Variants in RALGAPB observed in about 807,000 individuals in gnomAD.
RALGAPB encodes Ral GTPase activating protein non-catalytic subunit beta, also known as ral GTPase-activating protein subunit beta.
A neutral mutation model predicts 161.1 loss-of-function variants in RALGAPB; 25 were observed. The observed-to-expected ratio is 0.16, with a 90% CI of 0.11 to 0.22. The LOEUF is 0.22. RALGAPB is among the 10% of genes least tolerant of loss of function. The pLI is 1.00. For synonymous variants in RALGAPB, 629 were observed against 626.1 expected, an observed-to-expected ratio of 1.00 and a Z score of -0.07; for missense variants, 1,391 against 1,815.2, an observed-to-expected ratio of 0.77 and a Z score of 4.25.
At chr20:38,548,437 TTATA>T (rs2087248113) in intron 19 of RALGAPB, among the ~76,000 whole-genome samples, 1 of 152,198 alleles carries the variant, frequency 6.6e-6, no homozygotes, top group Non-Finnish European at 1.5e-5. Flanking sequence ...TGCTTTAAAA[TTATA>T]TAATTAGTAC....
intron 1 of RALGAPB, among the ~76,000 whole-genome samples, chr20:38,484,941 C>T (rs2085073959): frequency 6.6e-6 from 1 of 152,100 alleles, no homozygotes; most frequent in African/African-American, 2.4e-5. Flanking sequence ...GTGATCCACC[C>T]GCCTTGGACT....
chr20:38,515,045 G>A (rs929412179), intron 6 of RALGAPB, among the ~76,000 whole-genome samples: 1 of 152,200 alleles, frequency 6.6e-6, no homozygotes, highest in Admixed American at 6.5e-5. Flanking sequence ...CATGAATTTA[G>A]CCAAGCTCTG....
rs1460862635 is a variant in RALGAPB, at chr20:38,486,839, A to G, written c.-30-1564A>G. 2.0e-5 allele frequency among the ~76,000 whole-genome samples: 3 copies of G among 152,226 alleles called. No homozygotes were observed. In the East Asian group the frequency reaches 5.8e-4, roughly 29 times the overall value. On this transcript the variant is annotated intron_variant, in intron 1 of 29. Coordinates refer to ENST00000262879, the MANE Select transcript of RALGAPB (RefSeq NM_020336.4). ...TGGAATAGAGGGAATACCTTCTGATATCTTCCTTTTTCCCACTGGTAAACC... is the reference window on the plus strand; with the variant it reads ...TGGAATAGAGGGAATACCTTCTGATGTCTTCCTTTTTCCCACTGGTAAACC...
At chr20:38,525,201 C>A (rs2086421621) in intron 11 of RALGAPB, among the ~76,000 whole-genome samples, 1 of 152,164 alleles carries the variant, frequency 6.6e-6, no homozygotes, top group Non-Finnish European at 1.5e-5. Flanking sequence ...AGAGGTCTTA[C>A]CTTTGTAGAG....
rs753483611 is a variant in RALGAPB, at chr20:38,509,061, T to G, written c.741-16T>G. ...CTGTTAAGAAATGGACTCAGTGGTG[T>G]GCATTTATTTTCTAGATTGCTACGC... On this transcript the variant is annotated splice_polypyrimidine_tract_variant and intron_variant, in intron 5 of 29. Coordinates refer to ENST00000262879, the MANE Select transcript of RALGAPB (RefSeq NM_020336.4). 9 of 1,611,940 alleles carry G rather than the reference T, an allele frequency of 5.6e-6. No homozygotes were observed. The Admixed American group carries it at 1.5e-4, about 27-fold the overall frequency.
rs1410819365 is a variant in RALGAPB at position 38,567,120 on chromosome 20, C to T, written c.3842C>T (p.Ser1281Leu). The T allele has an allele frequency of 7.4e-6, 12 of 1,613,160 alleles. 1 individual carries two copies. The East Asian group carries it at 2.0e-4, about 27-fold the overall frequency. ...GCTGATTCATTGGAAAGTAACATCT[C>T]GGACCAAGATAGTGATTCAAATATG... ...SLTDSLESNISDQDSDSNMDL... is the reference protein window; with the variant it reads ...SLTDSLESNILDQDSDSNMDL... The change falls in exon 26 of 30, where the codon TCG becomes TTG. Residue 1281 changes from serine to leucine, a missense_variant. Ser to Leu is a moderately radical substitution (Grantham distance 145). Transcript: ENST00000262879.
chr20:38,522,922 G>A (rs1232880932), intron 10 of RALGAPB, among the ~76,000 whole-genome samples: 1 of 152,100 alleles, frequency 6.6e-6, no homozygotes, highest in East Asian at 1.9e-4. Context: ...CTGTCTTCCT[G>A]GTCTGCCAGA....
At chr20:38,493,412 CA>C (rs1283250940) in intron 3 of RALGAPB, among the ~76,000 whole-genome samples, 1 of 152,120 alleles carries the variant, frequency 6.6e-6, no homozygotes, top group African/African-American at 2.4e-5. Context: ...CCCTTCTACT[CA>C]AAAAAATATA....
intron 17 of RALGAPB, 49 bp downstream of exon 17, chr20:38,540,007 TA>T (rs755331389): frequency 6.6e-7 from 1 of 1,513,908 alleles, no homozygotes; most frequent in Non-Finnish European, 9.0e-7. Context: ...AAATGTATGC[TA>T]GCAAAATGCC....
Position 38,503,704 on chromosome 20 carries a change from C to T in RALGAPB, c.740+4071C>T, listed in dbSNP as rs190342896. 1.3e-3 allele frequency among the ~76,000 whole-genome samples: 205 copies of T among 152,230 alleles called. 4 individuals carry two copies. Among genetic ancestry groups the T allele is most frequent in the East Asian group, 7.7e-4 (4 of 5,186 alleles). ...TGGCAGAGTTTGAGAGGATTGACTCCGATTTTGAAAGAAGTTCTACTATGG... is the reference window on the plus strand; with the variant it reads ...TGGCAGAGTTTGAGAGGATTGACTCTGATTTTGAAAGAAGTTCTACTATGG... On this transcript the variant is annotated intron_variant, in intron 5 of 29. Coordinates refer to ENST00000262879, the MANE Select transcript of RALGAPB (RefSeq NM_020336.4).
intron 28 of RALGAPB, 109 bp from the exon 29 acceptor site, chr20:38,574,041 C>A: frequency 1.7e-6 from 2 of 1,174,340 alleles, no homozygotes; most frequent in South Asian, 1.8e-5. Flanking sequence ...CACTGCCAAG[C>A]AACAGGTCCC....
chr20:38,509,966 A>G (rs1466722058), intron 6 of RALGAPB, among the ~76,000 whole-genome samples: 1 of 151,692 alleles, frequency 6.6e-6, no homozygotes, highest in Non-Finnish European at 1.5e-5. Flanking sequence ...GCTGTCAGTG[A>G]TCTTAGTTTT....
intron 6 of RALGAPB, among the ~76,000 whole-genome samples, chr20:38,515,819 C>T (rs1307190549): frequency 1.3e-5 from 2 of 152,014 alleles, no homozygotes; most frequent in Non-Finnish European, 2.9e-5. Flanking sequence ...GCAGCCTCGG[C>T]CTTGAACTCC....
chr20:38,503,726 A>G (rs973045253), intron 5 of RALGAPB, among the ~76,000 whole-genome samples: 3 of 152,230 alleles, frequency 2.0e-5, no homozygotes, highest in African/African-American at 4.8e-5. Context: ...AAGTTCTACT[A>G]TGGGTAAAAT....
chr20:38,544,912 A>T (rs2087111677), intron 18 of RALGAPB, among the ~76,000 whole-genome samples: 2 of 152,050 alleles, frequency 1.3e-5, no homozygotes, highest in Admixed American at 6.6e-5. Context: ...GTTTTTTTTC[A>T]CACGTTTACC....
intron 24 of RALGAPB, among the ~76,000 whole-genome samples, chr20:38,564,744 A>G (rs1370750331): frequency 2.0e-5 from 3 of 152,214 alleles, no homozygotes. Flanking sequence ...GGTGGAACAT[A>G]GGCCAACTTG....
rs375046194 is a variant in RALGAPB, at chr20:38,552,322, G to C, written c.3162+1099G>C. On this transcript the variant is annotated intron_variant, in intron 21 of 29. Coordinates refer to ENST00000262879, the MANE Select transcript of RALGAPB (RefSeq NM_020336.4). ...TGCCTGGCCAATTTTTGTATTTTTA[G>C]TAGAGACGGGATTTCACCATGTTGG... Among the ~76,000 whole-genome samples the C allele has an allele frequency of 3.8e-4, 58 of 152,112 alleles. No individual in the cohort carries two copies. In the South Asian group the frequency reaches 0.011, roughly 30 times the overall value.
chr20:38,546,695 GTTGT>G, intron 19 of RALGAPB: 1 of 410,564 alleles, frequency 2.4e-6, no homozygotes, highest in Middle Eastern at 7.1e-4. Context: ...GTTCCATTGT[GTTGT>G]TTATCTTTGT....
chr20:38,510,497 A>G lies in RALGAPB; in HGVS notation c.872+1289A>G, dbSNP rs182658540. On this transcript the variant is annotated intron_variant, in intron 6 of 29. Transcript: ENST00000262879. ...ACATTTCAGATCAATTTTAGAACCA[A>G]TTTTTCAAGTTACAAAACATAAGCA... Among the ~76,000 whole-genome samples, 28 of 152,252 alleles carry G rather than the reference A, an allele frequency of 1.8e-4. No homozygotes were observed. In the East Asian group the frequency reaches 4.6e-3, roughly 25 times the overall value.
Sources: allele counts gnomAD v4.1 joint callset (sites outside exome capture counted in the v4.1 genomes callset), GRCh38; gene constraint gnomAD v4.1.1; transcripts MANE v1.5; gene names NCBI Gene and HGNC (gene_info 2026-07-23, HGNC 2026-07-21).